The following FAM81A variants were observed in gnomAD, a reference collection of about 807,000 sequenced individuals.
FAM81A encodes the protein protein FAM81A.
A neutral mutation model predicts 46.7 loss-of-function variants in FAM81A; 19 were observed. That is an observed-to-expected ratio of 0.41 (90% CI 0.28 to 0.60). FAM81A has a LOEUF of 0.60. FAM81A is among the 20% of genes least tolerant of loss of function. The pLI is 0.34. For missense variants in FAM81A, 377 were observed against 453.5 expected (o/e 0.83, Z 1.53); for synonymous variants, 183 against 152.9 (o/e 1.20, Z -1.45).
chr15:59,460,370 A>G lies in FAM81A; in HGVS notation c.294+164A>G, dbSNP rs2081537456. ...GATCGCCAAGGAGACAGCTTGCAGA[A>G]ATATCCTAATTAAATTTATTCCAGT... is the stretch of plus-strand genomic sequence containing the variant. On this transcript the variant is annotated intron_variant, in intron 3 of 8. Coordinates refer to ENST00000288228, the MANE Select transcript of FAM81A (RefSeq NM_152450.3). The surrounding 1 kb of genome is among the most constrained non-coding windows in gnomAD (Gnocchi z 4.4). 1 of 904,946 alleles carries G rather than the reference A, an allele frequency of 1.1e-6. No homozygotes were observed. Among genetic ancestry groups the G allele is most frequent in the Admixed American group, 1.8e-5 (1 of 54,192 alleles). The allele number at this position is 904,946 out of a possible 1,614,324, so 56.1% of individuals were successfully genotyped here. A position where few individuals can be genotyped will look rare whatever the true frequency, so the allele number is the denominator to read the frequency against.
intron 1 of FAM81A, chr15:59,438,938 C>G (rs560916292): frequency 6.6e-6 from 1 of 152,196 alleles, no homozygotes; most frequent in Non-Finnish European, 1.5e-5. Flanking sequence ...CTTTGGTGCC[C>G]TAAAGACATG....
intron 2 of FAM81A, among the ~76,000 whole-genome samples, chr15:59,427,795 T>C (rs1596466329): frequency 6.6e-6 from 1 of 152,368 alleles, no homozygotes; most frequent in Admixed American, 6.5e-5. Flanking sequence ...ATTTTCTTTA[T>C]CCATTCATCT....
intron 2 of FAM81A, among the ~76,000 whole-genome samples, chr15:59,427,307 C>T (rs535852748): frequency 2.0e-5 from 3 of 152,198 alleles, no homozygotes; most frequent in Admixed American, 6.5e-5. Context: ...GACGGGGTTT[C>T]TCCATGTTGG....
At chr15:59,440,598 A>C (rs1285422498) in intron 1 of FAM81A, among the ~76,000 whole-genome samples, 1 of 152,178 alleles carries the variant, frequency 6.6e-6, no homozygotes, top group African/African-American at 2.4e-5. Context: ...GCTTCAACTA[A>C]CATCTTGGAC....
intron 1 of FAM81A, among the ~76,000 whole-genome samples, chr15:59,399,671 C>G (rs543392794): frequency 3.3e-5 from 5 of 152,246 alleles, no homozygotes; most frequent in African/African-American, 9.6e-5. Flanking sequence ...GAAAGTTGCT[C>G]CTCTGGCTGA....
intron 3 of FAM81A, among the ~76,000 whole-genome samples, chr15:59,470,520 C>G (rs2081672756): frequency 6.6e-6 from 1 of 152,182 alleles, no homozygotes. Flanking sequence ...GTGCATGCAT[C>G]ACGAAGTTCT....
At chr15:59,406,372 T>C (rs1431966463) in intron 2 of FAM81A, among the ~76,000 whole-genome samples, 1 of 152,138 alleles carries the variant, frequency 6.6e-6, no homozygotes, top group Non-Finnish European at 1.5e-5. Context: ...GGATGTGAAA[T>C]CATTTATTTC....
intron 2 of FAM81A, among the ~76,000 whole-genome samples, chr15:59,419,730 C>T (rs937536466): frequency 9.2e-5 from 14 of 151,996 alleles, no homozygotes; most frequent in South Asian, 2.1e-4. Flanking sequence ...AAAAATTGGC[C>T]GGGCGTGCTG....
chr15:59,428,776 G>T (rs959713086), intron 2 of FAM81A, among the ~76,000 whole-genome samples: 7 of 151,832 alleles, frequency 4.6e-5, no homozygotes, highest in Non-Finnish European at 1.0e-4. Context: ...AATTAGAGGC[G>T]CAGGCCACCA....
intron 1 of FAM81A, chr15:59,402,044 C>T (rs903179789): frequency 2.7e-5 from 15 of 548,022 alleles, no homozygotes; most frequent in Middle Eastern, 5.3e-4. Flanking sequence ...CCCTGGGGTG[C>T]GAAAAACGCT....
At chr15:59,451,959 C>T (rs1352331054) in intron 1 of FAM81A, among the ~76,000 whole-genome samples, 3 of 152,210 alleles carry the variant, frequency 2.0e-5, no homozygotes, top group Admixed American at 6.5e-5. Flanking sequence ...GTGCCAAGTG[C>T]TTGGGATATA....
chr15:59,478,374 G>T (rs534966362), intron 3 of FAM81A, among the ~76,000 whole-genome samples: 1 of 152,288 alleles, frequency 6.6e-6, no homozygotes, highest in Non-Finnish European at 1.5e-5. Flanking sequence ...ATTTGCAAAA[G>T]GACTACTGGA....
chr15:59,434,544 T>A (rs1231863108), upstream of FAM81A, among the ~76,000 whole-genome samples: 1 of 152,228 alleles, frequency 6.6e-6, no homozygotes, highest in East Asian at 1.9e-4. Flanking sequence ...GGAAACTTTC[T>A]GCCCTTGAGC....
chr15:59,489,166 G>A (rs1245328714), intron 3 of FAM81A, among the ~76,000 whole-genome samples: 2 of 152,054 alleles, frequency 1.3e-5, no homozygotes. Flanking sequence ...TCGGGAGGCT[G>A]AGGCAGGAGA....
upstream of FAM81A, among the ~76,000 whole-genome samples, chr15:59,437,197 G>T (rs771427180): frequency 3.7e-4 from 56 of 152,130 alleles, no homozygotes; most frequent in Non-Finnish European, 6.8e-4. Flanking sequence ...AAACCGCTCA[G>T]CCGAATCCAC....
At chr15:59,488,636 TGAA>T (rs1372024482) in intron 3 of FAM81A, among the ~76,000 whole-genome samples, 10 of 152,296 alleles carry the variant, frequency 6.6e-5, no homozygotes, top group Admixed American at 6.5e-4. Context: ...GGGAACAATC[TGAA>T]GAAGAAATCA....
intron 2 of FAM81A, 88 bp from the exon 3 acceptor site, chr15:59,459,845 G>T: frequency 9.7e-6 from 14 of 1,446,116 alleles, no homozygotes; most frequent in Non-Finnish European, 1.3e-5. Flanking sequence ...TAGATAATTT[G>T]TATTTCCAGA....
upstream of FAM81A, among the ~76,000 whole-genome samples, chr15:59,437,033 C>G (rs1032664533): frequency 6.6e-6 from 1 of 152,224 alleles, no homozygotes; most frequent in African/African-American, 2.4e-5. Context: ...ATGAATGTTA[C>G]AGATGCGTTA....
intron 2 of FAM81A, among the ~76,000 whole-genome samples, chr15:59,418,076 C>T (rs2081154814): frequency 6.6e-6 from 1 of 152,188 alleles, no homozygotes; most frequent in South Asian, 2.1e-4. Flanking sequence ...CCAGTTTCAT[C>T]CATATCCCTA....
Sources: gnomAD v4.1 joint callset for allele counts (sites outside exome capture counted in the v4.1 genomes callset) on GRCh38, gnomAD v4.1.1 for gene constraint, Gnocchi (gnomAD v3.1) non-coding constraint, MANE v1.5 for transcripts, NCBI Gene and HGNC (gene_info 2026-07-23, HGNC 2026-07-21) for gene names.